The following RABGAP1L variants were observed in gnomAD, a reference collection of about 807,000 sequenced individuals.
RABGAP1L encodes the protein RAB GTPase activating protein 1 like, also known as rab GTPase-activating protein 1-like.
In RABGAP1L, 63 loss-of-function variants were observed where a neutral mutation model predicts 137.7. The ratio of observed to expected loss-of-function variants is 0.46; its 90% CI spans 0.37 to 0.56. The LOEUF (loss-of-function observed/expected upper bound fraction) is 0.56, where lower values mean the gene tolerates loss of function less well. Ranked by LOEUF, RABGAP1L falls within the 20% of genes least tolerant of loss-of-function variation. The pLI, the probability that RABGAP1L is intolerant of heterozygous loss-of-function variation, is 0.00. For synonymous variants in RABGAP1L, 431 were observed against 433.7 expected, an observed-to-expected ratio of 0.99 and a Z score of 0.08; for missense variants, 1,095 against 1,244.0, an observed-to-expected ratio of 0.88 and a Z score of 1.80.
chr1:174,495,353 C>T (rs1332432013), intron 13 of RABGAP1L, among the ~76,000 whole-genome samples: 1 of 152,052 alleles, frequency 6.6e-6, no homozygotes, highest in Non-Finnish European at 1.5e-5. Flanking sequence ...TTCCCTTGCT[C>T]CTCTTTTTCT....
chr1:174,160,402 G>A (rs1664343975), intron 1 of RABGAP1L, among the ~76,000 whole-genome samples: 1 of 152,172 alleles, frequency 6.6e-6, no homozygotes, highest in Admixed American at 6.5e-5. Flanking sequence ...TGTGGAAAGG[G>A]GCCACCGGCT....
chr1:174,360,528 C>G (rs539581593), intron 11 of RABGAP1L, among the ~76,000 whole-genome samples: 6 of 152,142 alleles, frequency 3.9e-5, no homozygotes, highest in African/African-American at 1.4e-4. Flanking sequence ...ATAATATGCT[C>G]TAGAGAAACT....
intron 2 of RABGAP1L, 24 bp from the exon 3 acceptor site, chr1:174,220,948 A>C: frequency 6.6e-7 from 1 of 1,525,112 alleles, no homozygotes; most frequent in Non-Finnish European, 8.8e-7. Context: ...GAATTGAAAC[A>C]GAATTGTCTT....
intron 19 of RABGAP1L, among the ~76,000 whole-genome samples, chr1:174,921,404 T>G (rs1661779340): frequency 1.3e-5 from 2 of 152,200 alleles, no homozygotes; most frequent in Non-Finnish European, 2.9e-5. Context: ...ATACATTTGT[T>G]TTTTATAGAC....
At chr1:174,407,039 TTC>T (rs1649360761) in intron 13 of RABGAP1L, among the ~76,000 whole-genome samples, 1 of 152,190 alleles carries the variant, frequency 6.6e-6, no homozygotes. Flanking sequence ...GTGTGGTGAG[TTC>T]TCTCTAGGGA....
intron 19 of RABGAP1L, chr1:174,892,330 G>T (rs1464346012): frequency 8.7e-6 from 3 of 345,308 alleles, no homozygotes; most frequent in Non-Finnish European, 1.7e-5. Context: ...TTGCTGAAAA[G>T]TCTAGTGGGA....
chr1:174,212,694 G>A (rs1303857432), intron 1 of RABGAP1L, among the ~76,000 whole-genome samples: 2 of 151,834 alleles, frequency 1.3e-5, no homozygotes, highest in Non-Finnish European at 2.9e-5. Context: ...AAAGATCAGG[G>A]CAGAAATAAA....
At chr1:174,211,346 A>G (rs1259645660) in intron 1 of RABGAP1L, among the ~76,000 whole-genome samples, 4 of 152,184 alleles carry the variant, frequency 2.6e-5, no homozygotes, top group African/African-American at 9.6e-5. Flanking sequence ...AGCAGGGGAT[A>G]AAGTTAGGGT....
chr1:174,217,435 G>A (rs1669424359), intron 1 of RABGAP1L, among the ~76,000 whole-genome samples: 1 of 152,130 alleles, frequency 6.6e-6, no homozygotes, highest in African/African-American at 2.4e-5. Context: ...TGTGTGACAA[G>A]GGAAAAGGTC....
chr1:174,931,175 C>T (rs913841244), intron 19 of RABGAP1L, among the ~76,000 whole-genome samples: 1 of 151,994 alleles, frequency 6.6e-6, no homozygotes, highest in Non-Finnish European at 1.5e-5. Flanking sequence ...AATATGTGTC[C>T]AGCAAAACTT....
chr1:174,212,045 A>G (rs1223411975), intron 1 of RABGAP1L, among the ~76,000 whole-genome samples: 1 of 152,156 alleles, frequency 6.6e-6, no homozygotes, highest in Non-Finnish European at 1.5e-5. Context: ...ACTTCAACAC[A>G]TCACTTTCAA....
intron 19 of RABGAP1L, among the ~76,000 whole-genome samples, chr1:174,825,672 C>T (rs1319434557): frequency 6.6e-6 from 1 of 152,182 alleles, no homozygotes; most frequent in African/African-American, 2.4e-5. Context: ...CACTTGAGGC[C>T]AGGAGTTTGA....
In RABGAP1L at chr1:174,448,969, T is replaced by C; in HGVS notation, c.1710+54824T>C. Reference sequence around the variant, plus strand: ...GGCTCCCCTATATAATTTACTTTCTTCTAGAAAGCTCCCGGGTCTTGGACA... The same window carrying C: ...GGCTCCCCTATATAATTTACTTTCTCCTAGAAAGCTCCCGGGTCTTGGACA... On this transcript the variant is annotated intron_variant, in intron 13 of 25. Transcript: ENST00000681986. This position sits in a 1 kb window ranked among gnomAD's most constrained non-coding sequence, Gnocchi z 4.2. 6.2e-7 allele frequency: 1 copy of C among 1,613,762 alleles called. No homozygotes were observed. The highest frequency in any genetic ancestry group is 8.5e-7 in the Non-Finnish European group (1 of 1,179,658).
At chr1:174,372,738 T>C (rs1014527088) in intron 12 of RABGAP1L, among the ~76,000 whole-genome samples, 2 of 152,192 alleles carry the variant, frequency 1.3e-5, no homozygotes, top group Non-Finnish European at 2.9e-5. Flanking sequence ...TATTTTCACA[T>C]GGAGCACCAA....
chr1:174,434,373 T>G (rs1262538252), intron 13 of RABGAP1L, among the ~76,000 whole-genome samples: 11 of 152,220 alleles, frequency 7.2e-5, no homozygotes, highest in Admixed American at 7.2e-4. Flanking sequence ...ATTCCCCTGT[T>G]GATGGATGTG....
intron 14 of RABGAP1L, among the ~76,000 whole-genome samples, chr1:174,651,684 C>T (rs1172120669): frequency 6.6e-6 from 1 of 152,032 alleles, no homozygotes; most frequent in Non-Finnish European, 1.5e-5. Flanking sequence ...TTTCCATTTG[C>T]TTGGTAGATC....
At chr1:174,677,598 T>G (rs910981035) in intron 14 of RABGAP1L, among the ~76,000 whole-genome samples, 1 of 152,174 alleles carries the variant, frequency 6.6e-6, no homozygotes, top group African/African-American at 2.4e-5. Context: ...TAACCCCAAA[T>G]TTTTCTGAGG....
intron 17 of RABGAP1L, among the ~76,000 whole-genome samples, chr1:174,730,579 A>G (rs1214024572): frequency 6.6e-6 from 1 of 152,200 alleles, no homozygotes; most frequent in Admixed American, 6.5e-5. Flanking sequence ...ATACAATGCT[A>G]TTCTCTTGAT....
At chr1:174,970,948 A>G (rs936372105) in intron 21 of RABGAP1L, among the ~76,000 whole-genome samples, 1 of 151,988 alleles carries the variant, frequency 6.6e-6, no homozygotes, top group South Asian at 2.1e-4. Flanking sequence ...TTCTGTAAAC[A>G]GTAAACATTT....
Sources: gnomAD v4.1 joint callset for allele counts (sites outside exome capture counted in the v4.1 genomes callset) on GRCh38, gnomAD v4.1.1 for gene constraint, Gnocchi (gnomAD v3.1) non-coding constraint, MANE v1.5 for transcripts, NCBI Gene and HGNC (gene_info 2026-07-23, HGNC 2026-07-21) for gene names.